Variants in FGF13 observed in about 807,000 individuals in gnomAD.
The protein encoded by FGF13 is fibroblast growth factor homologous factor 2.
In FGF13, 2 loss-of-function variants were observed where a neutral mutation model predicts 19.5. The observed-to-expected ratio is 0.10, with a 90% CI of 0.04 to 0.32. FGF13 has a LOEUF of 0.32. FGF13 is among the 10% of genes least tolerant of loss of function. The pLI is 1.00. For missense variants in FGF13, 113 were observed against 192.7 expected, an observed-to-expected ratio of 0.59 and a Z score of 2.45; for synonymous variants, 72 against 76.9, an observed-to-expected ratio of 0.94 and a Z score of 0.33.
chrX:138,958,156 G>A (rs936790998), intron 1 of FGF13, among the ~76,000 whole-genome samples: 9 of 111,844 alleles, frequency 8.0e-5, no homozygotes, highest in Admixed American at 2.8e-4. Flanking sequence ...GATATTGGCT[G>A]TGGGTTTGTC....
At chrX:138,704,918 T>C (rs1569369462) in intron 2 of FGF13, among the ~76,000 whole-genome samples, 1 of 112,729 alleles carries the variant, frequency 8.9e-6, no homozygotes. Flanking sequence ...TCCCTTTCTG[T>C]TGACGATGTC....
At chrX:138,856,542 T>C (rs1380665661), downstream of FGF13, among the ~76,000 whole-genome samples, 1 of 112,030 alleles carries the variant, frequency 8.9e-6, no homozygotes, top group Non-Finnish European at 1.9e-5. Flanking sequence ...TTAGAAATTA[T>C]ACAAAAACCA....
rs191310648 is a variant in FGF13, at chrX:138,751,677, C to T, written c.218-42749G>A. On this transcript the variant is annotated intron_variant, in intron 3 of 6. Transcript: ENST00000436198. ...TTCACAGGCTGGAACAGATGTCCTG[C>T]AGGAACAGATCCTACTTCAAAATCC... Among the ~76,000 whole-genome samples, 111 of 111,688 alleles carry T rather than the reference C, an allele frequency of 9.9e-4. 1 individual carries two copies. The highest frequency in any genetic ancestry group is 1.3e-3 in the Non-Finnish European group (67 of 53,154).
intron 3 of FGF13, among the ~76,000 whole-genome samples, chrX:138,671,426 A>G (rs1263562142): frequency 8.9e-6 from 1 of 112,018 alleles, no homozygotes; most frequent in Non-Finnish European, 1.9e-5. Context: ...ATATTTATCC[A>G]TTACATTGAT....
chrX:138,659,078 G>A (rs1037178868), intron 3 of FGF13, among the ~76,000 whole-genome samples: 8 of 111,645 alleles, frequency 7.2e-5, no homozygotes, highest in Non-Finnish European at 1.5e-4. Flanking sequence ...AAATGTGAAG[G>A]ACACGAGTAA....
chrX:139,161,468 A>G (rs2084033030), intron 1 of FGF13, among the ~76,000 whole-genome samples: 1 of 110,315 alleles, frequency 9.1e-6, no homozygotes, highest in African/African-American at 3.3e-5. Context: ...CTCCTATTCA[A>G]TAAAGTATGG....
intron 1 of FGF13, among the ~76,000 whole-genome samples, chrX:139,146,958 G>A (rs185657214): frequency 1.6e-3 from 169 of 106,130 alleles, no homozygotes; most frequent in Non-Finnish European, 2.2e-3. Context: ...ATCACACACC[G>A]GGGCCTGTCG....
chrX:139,024,027 T>C (rs1369958065), intron 1 of FGF13, among the ~76,000 whole-genome samples: 1 of 111,478 alleles, frequency 9.0e-6, no homozygotes, highest in East Asian at 2.8e-4. Context: ...ACTAAATGTT[T>C]CTCCGGGCTT....
At chrX:138,664,195 G>A (rs1272705612) in intron 3 of FGF13, among the ~76,000 whole-genome samples, 5 of 111,648 alleles carry the variant, frequency 4.5e-5, no homozygotes, top group African/African-American at 1.6e-4. Context: ...AGCACTACAA[G>A]AACAATTTGT....
chrX:139,082,627 C>T (rs761759295), intron 1 of FGF13, among the ~76,000 whole-genome samples: 13 of 110,895 alleles, frequency 1.2e-4, no homozygotes, highest in Non-Finnish European at 1.9e-4. Context: ...CCAGTAACTA[C>T]CAGAATCTAG....
At chrX:138,910,345 G>C (rs1157685265) in intron 1 of FGF13, among the ~76,000 whole-genome samples, 7 of 110,972 alleles carry the variant, frequency 6.3e-5, no homozygotes, top group Non-Finnish European at 1.9e-5. Context: ...GAAGACATTA[G>C]TTTAGCCTAG....
intron 3 of FGF13, among the ~76,000 whole-genome samples, chrX:138,833,324 T>C (rs749977943): frequency 8.9e-6 from 1 of 112,240 alleles, no homozygotes; most frequent in South Asian, 3.8e-4. Context: ...GTTTGTGTCA[T>C]CTCCGATTTC....
rs146033582 is a variant in FGF13, at chrX:139,049,421, T to C, written c.-113+153995A>G. Among the ~76,000 whole-genome samples the C allele has an allele frequency of 3.6e-4, 40 of 112,246 alleles. No individual in the cohort carries two copies. The East Asian group carries it at 0.01, about 29-fold the overall frequency. On this transcript the variant is annotated intron_variant, in intron 1 of 2. Transcript: ENST00000421460. ...AACCTAACTTTGTAATTAAAATGTTTCTGTCACTCTTCCCCTCCAACTCTC... is the reference window on the plus strand; with the variant it reads ...AACCTAACTTTGTAATTAAAATGTTCCTGTCACTCTTCCCCTCCAACTCTC...
chrX:138,956,553 A>G (rs2091842118), intron 1 of FGF13, among the ~76,000 whole-genome samples: 1 of 110,896 alleles, frequency 9.0e-6, no homozygotes, highest in Non-Finnish European at 1.9e-5. Flanking sequence ...CACTGACTGG[A>G]TGCATGGCCT....
intron 1 of FGF13, among the ~76,000 whole-genome samples, chrX:139,198,254 T>G (rs2084389769): frequency 8.9e-6 from 1 of 111,878 alleles, no homozygotes; most frequent in Admixed American, 9.4e-5. Context: ...AATTTGGCCT[T>G]TGACTGGCCT....
At chrX:138,987,714 T>C (rs773018283) in intron 1 of FGF13, among the ~76,000 whole-genome samples, 2 of 112,155 alleles carry the variant, frequency 1.8e-5, no homozygotes, top group Non-Finnish European at 3.8e-5. Flanking sequence ...TGAACTCATA[T>C]TGGAAATTTC....
intron 3 of FGF13, among the ~76,000 whole-genome samples, chrX:138,846,827 C>A (rs954781623): frequency 1.8e-5 from 2 of 111,828 alleles, no homozygotes; most frequent in Admixed American, 9.5e-5. Flanking sequence ...GCATTCAAAT[C>A]GAATTTAAGT....
At chrX:139,164,988 C>T (rs910662806) in intron 1 of FGF13, among the ~76,000 whole-genome samples, 1 of 111,149 alleles carries the variant, frequency 9.0e-6, no homozygotes, top group African/African-American at 3.3e-5. Flanking sequence ...CTGGGGAGGG[C>T]TCAGAAGAAA....
chrX:139,101,562 C>T (rs2083513988), intron 1 of FGF13, among the ~76,000 whole-genome samples: 1 of 111,904 alleles, frequency 8.9e-6, no homozygotes, highest in Admixed American at 9.5e-5. Context: ...AACTATCATA[C>T]TTGGAAAATA....
Sources: gnomAD v4.1 joint callset for allele counts (sites outside exome capture counted in the v4.1 genomes callset) on GRCh38, gnomAD v4.1.1 for gene constraint, MANE v1.5 for transcripts, NCBI Gene and HGNC (gene_info 2026-07-23, HGNC 2026-07-21) for gene names.